The following TBCA variants were observed in gnomAD, a reference collection of about 807,000 sequenced individuals.
TBCA encodes the protein tubulin folding cofactor A.
In TBCA, 6 loss-of-function variants were observed where a neutral mutation model predicts 15.8. The observed-to-expected ratio is 0.38, with a 90% CI of 0.21 to 0.75. TBCA has a LOEUF of 0.75. TBCA is among the 30% of genes least tolerant of loss of function. The probability of loss-of-function intolerance (pLI) is 0.46; values close to 1 mark genes in which losing one functional copy is unlikely to be tolerated. For synonymous variants in TBCA, 32 were observed against 42.3 expected (o/e 0.76, Z 0.94); for missense variants, 90 against 131.2 (o/e 0.69, Z 1.53).
rs1358361981 is a variant in TBCA at position 77,762,587 on chromosome 5, CAAGGTACCAT to C, written c.53+13608_53+13617del. On this transcript the variant is annotated intron_variant, in intron 1 of 3. Coordinates refer to ENST00000380377, the MANE Select transcript of TBCA (RefSeq NM_004607.3). ...AAATGCTATGCCAAACTTAAGAATT[CAAGGTACCAT>C]AAGTCTAATTAACAATAATGAAAAG... 2.6e-5 allele frequency among the ~76,000 whole-genome samples: 4 copies of C among 152,208 alleles called. No individual in the cohort carries two copies. In the East Asian group the frequency reaches 7.7e-4, roughly 29 times the overall value.
At chr5:77,692,796 G>A in intron 3 of TBCA, 1 of 1,031,660 alleles carries the variant, frequency 9.7e-7, no homozygotes, top group Non-Finnish European at 1.2e-6. Flanking sequence ...AAGTTAGTAT[G>A]AGGGGACTAC....
intron 1 of TBCA, among the ~76,000 whole-genome samples, chr5:77,749,330 A>C (rs1747261546): frequency 6.6e-6 from 1 of 152,232 alleles, no homozygotes; most frequent in South Asian, 2.1e-4. Context: ...ATGCGTAATA[A>C]TACTGCATCT....
intron 1 of TBCA, among the ~76,000 whole-genome samples, chr5:77,770,752 GA>G (rs1747888211): frequency 1.3e-5 from 2 of 148,262 alleles, no homozygotes; most frequent in Non-Finnish European, 3.0e-5. Context: ...AAAAAACAAA[GA>G]GCCAGCTACA....
intron 1 of TBCA, among the ~76,000 whole-genome samples, chr5:77,722,504 T>C (rs1328369175): frequency 6.6e-6 from 1 of 152,018 alleles, no homozygotes; most frequent in Non-Finnish European, 1.5e-5. Flanking sequence ...AATAAACTTT[T>C]GGAAATTCCA....
chr5:77,732,035 T>C (rs1039645659), intron 1 of TBCA, among the ~76,000 whole-genome samples: 5 of 152,152 alleles, frequency 3.3e-5, no homozygotes, highest in Non-Finnish European at 5.9e-5. Context: ...CTCTGGGACG[T>C]TGCTTTGCGG....
At chr5:77,744,179 C>G (rs541892371) in intron 1 of TBCA, among the ~76,000 whole-genome samples, 1 of 152,266 alleles carries the variant, frequency 6.6e-6, no homozygotes, top group African/African-American at 2.4e-5. Context: ...TATTCAATCT[C>G]AAGATCCCAC....
chr5:77,723,640 T>C (rs1244455516), intron 1 of TBCA, among the ~76,000 whole-genome samples: 1 of 152,004 alleles, frequency 6.6e-6, no homozygotes, highest in Non-Finnish European at 1.5e-5. Context: ...AAAATACCTG[T>C]AGTCCATTGT....
intron 1 of TBCA, among the ~76,000 whole-genome samples, chr5:77,740,648 T>C (rs1747010508): frequency 1.3e-5 from 2 of 152,172 alleles, no homozygotes; most frequent in South Asian, 4.1e-4. Context: ...AAGGTGGAAA[T>C]GGCCAAAGGT....
At chr5:77,693,490 T>C in intron 2 of TBCA, 138 bp from the exon 3 acceptor site, 1 of 1,056,992 alleles carries the variant, frequency 9.5e-7, no homozygotes, top group Non-Finnish European at 1.4e-6. Context: ...TATTTTAACT[T>C]AAATTGTATT....
intron 1 of TBCA, among the ~76,000 whole-genome samples, chr5:77,755,113 A>C (rs1747442275): frequency 6.6e-6 from 1 of 152,256 alleles, no homozygotes; most frequent in Non-Finnish European, 1.5e-5. Flanking sequence ...AAACAATAAC[A>C]AAAAGAAATG....
At chr5:77,768,198 G>A (rs1054317984) in intron 1 of TBCA, among the ~76,000 whole-genome samples, 5 of 152,116 alleles carry the variant, frequency 3.3e-5, no homozygotes, top group African/African-American at 1.2e-4. Flanking sequence ...ACAAATGAAC[G>A]AAGATAGGTG....
intron 2 of TBCA, among the ~76,000 whole-genome samples, chr5:77,701,744 C>A: frequency 8.9e-6 from 1 of 112,374 alleles, no homozygotes; most frequent in Admixed American, 1.1e-4. Flanking sequence ...TACTACTCAG[C>A]CACAAATAGC....
intron 1 of TBCA, among the ~76,000 whole-genome samples, chr5:77,760,192 T>C (rs1257210373): frequency 6.6e-6 from 1 of 152,086 alleles, no homozygotes; most frequent in Non-Finnish European, 1.5e-5. Context: ...GACACTGAAA[T>C]GGAGGGAAAC....
chr5:77,751,575 G>T lies in TBCA; in HGVS notation c.53+24630C>A, dbSNP rs1367014344. 5.9e-5 allele frequency among the ~76,000 whole-genome samples: 9 copies of T among 152,050 alleles called. No homozygotes were observed. In the East Asian group the frequency reaches 1.6e-3, roughly 26 times the overall value. The stretch of plus-strand genomic sequence containing the variant: ...GGGGGAGGGTTCCAATTTTATTTTT[G>T]ATTTACATTCTCCCCAGAGGAGATG... On this transcript the variant is annotated intron_variant, in intron 1 of 3. Transcript: ENST00000380377.
At chr5:77,737,431 C>T (rs1276988423) in intron 1 of TBCA, among the ~76,000 whole-genome samples, 1 of 152,076 alleles carries the variant, frequency 6.6e-6, no homozygotes, top group Admixed American at 6.6e-5. Flanking sequence ...TACAGTATTC[C>T]ATAAATTAAC....
intron 2 of TBCA, among the ~76,000 whole-genome samples, chr5:77,699,033 CAAAAAAAAAAAAAAA>C (rs71608119): frequency 5.3e-3 from 370 of 70,096 alleles, no homozygotes; most frequent in Non-Finnish European, 7.5e-3. Flanking sequence ...GCAAGAGCAT[CAAAAAAAAAAAAAAA>C]AAAAAAAAAA....
intron 1 of TBCA, among the ~76,000 whole-genome samples, chr5:77,746,463 T>A (rs116682732): frequency 0.016 from 2,495 of 152,228 alleles, 67 homozygotes; most frequent in African/African-American, 0.057. Flanking sequence ...ACTATGCACT[T>A]GATCTTAATC....
intron 1 of TBCA, among the ~76,000 whole-genome samples, chr5:77,770,362 T>C (rs1747877564): frequency 6.6e-6 from 1 of 152,216 alleles, no homozygotes; most frequent in Non-Finnish European, 1.5e-5. Context: ...AGGTACAACA[T>C]ACAACTCACA....
intron 1 of TBCA, among the ~76,000 whole-genome samples, chr5:77,775,834 C>G (rs1213861793): frequency 1.3e-5 from 2 of 152,212 alleles, no homozygotes; most frequent in Admixed American, 1.3e-4. Context: ...CTTCCCCGGG[C>G]CAAGTTCAGC....
Sources: gnomAD v4.1 joint callset for allele counts (sites outside exome capture counted in the v4.1 genomes callset) on GRCh38, gnomAD v4.1.1 for gene constraint, MANE v1.5 for transcripts, NCBI Gene and HGNC (gene_info 2026-07-23, HGNC 2026-07-21) for gene names.